FAM161A: variants seen among roughly 807,000 people sequenced by gnomAD.
FAM161A encodes protein FAM161A.
FAM161A carries 57 observed loss-of-function variants against 70.9 expected under a neutral mutation model. The observed-to-expected ratio is 0.80, with a 90% CI of 0.65 to 1.00. FAM161A has a LOEUF of 1.00. FAM161A is among the 50% of genes least tolerant of loss of function. The pLI is 0.00. For synonymous variants in FAM161A, 299 were observed against 295.7 expected (o/e 1.01, Z -0.12); for missense variants, 880 against 836.0 (o/e 1.05, Z -0.65).
chr2:61,803,298 C>G, the FAM161A span: 39 of 635,446 alleles, frequency 6.1e-5, no homozygotes, highest in South Asian at 5.2e-4. Flanking sequence ...TTTATGATTC[C>G]TTGGATTATG....
chr2:61,804,858 G>T, the FAM161A span, among the ~76,000 whole-genome samples: 1 of 149,592 alleles, frequency 6.7e-6, no homozygotes, highest in South Asian at 2.2e-4. Flanking sequence ...AGAAGGGAGG[G>T]AGGGAGGGAG....
At chr2:61,821,889 C>A (rs1037926318), downstream of FAM161A, among the ~76,000 whole-genome samples, 3 of 152,020 alleles carry the variant, frequency 2.0e-5, no homozygotes, top group Admixed American at 6.5e-5. Flanking sequence ...CCTGCCTCAG[C>A]CTCCTGGGTA....
Position 61,826,300 on chromosome 2 carries a change from C to T in FAM161A, c.*155G>A. 1 of 788,138 alleles carries T rather than the reference C, an allele frequency of 1.3e-6. No homozygotes were observed. The highest frequency in any genetic ancestry group is 2.2e-6 in the Non-Finnish European group (1 of 455,232). The allele number at this position is 788,138 out of a possible 1,614,324, so 48.8% of individuals were successfully genotyped here. A position where few individuals can be genotyped will look rare whatever the true frequency, so the allele number is the denominator to read the frequency against. On this transcript the variant is annotated 3_prime_UTR_variant, in exon 7 of 7. Coordinates refer to ENST00000404929, the MANE Select transcript of FAM161A (RefSeq NM_001201543.2). Reference sequence around the variant, plus strand: ...TACTCTAACTGATCAAATGACCAATCAGCTGGATTCAGGCTTTTCAGGCTA... The same window carrying T: ...TACTCTAACTGATCAAATGACCAATTAGCTGGATTCAGGCTTTTCAGGCTA...
At chr2:61,801,457 A>G in the FAM161A span, among the ~76,000 whole-genome samples, 1 of 151,436 alleles carries the variant, frequency 6.6e-6, no homozygotes, top group South Asian at 2.1e-4. Context: ...AAATCATGCC[A>G]CTGTAGTCCA....
At chr2:61,811,970 G>A in the FAM161A span, among the ~76,000 whole-genome samples, 1 of 152,108 alleles carries the variant, frequency 6.6e-6, no homozygotes, top group South Asian at 2.1e-4. Flanking sequence ...ACGTCTCACT[G>A]CTCTGGCCTC....
the FAM161A span, among the ~76,000 whole-genome samples, chr2:61,809,268 C>G: frequency 2.6e-5 from 4 of 152,210 alleles, no homozygotes; most frequent in Non-Finnish European, 4.4e-5. Flanking sequence ...GCTGGCCCCT[C>G]TTGCTCTCCC....
the FAM161A span, among the ~76,000 whole-genome samples, chr2:61,808,447 T>C: frequency 1.3e-5 from 2 of 152,002 alleles, no homozygotes; most frequent in Non-Finnish European, 2.9e-5. Context: ...TAATTCTTTG[T>C]ATTTTTAGTA....
chr2:61,824,880 G>A lies in FAM161A; in HGVS notation c.*1575C>T, dbSNP rs569433670. Reference sequence around the variant, plus strand: ...ACACACTCATTCAAACCTTTATTAAGTACCTACCATATGTACAATACTGTT... The same window carrying A: ...ACACACTCATTCAAACCTTTATTAAATACCTACCATATGTACAATACTGTT... On this transcript the variant is annotated 3_prime_UTR_variant, in exon 7 of 7. Coordinates refer to ENST00000404929, the MANE Select transcript of FAM161A (RefSeq NM_001201543.2). 3 of 428,016 alleles carry A rather than the reference G, an allele frequency of 7.0e-6. No individual in the cohort carries two copies. The East Asian group carries it at 2.1e-4, about 30-fold the overall frequency. 26.5% of individuals were successfully genotyped at this position (428,016 alleles called of 1,614,324 possible). A position where few individuals can be genotyped will look rare whatever the true frequency, so the allele number is the denominator to read the frequency against.
chr2:61,833,736 AAGAC>A (rs10611159), intron 5 of FAM161A, among the ~76,000 whole-genome samples: 55,531 of 151,818 alleles, frequency 0.37, 10,796 homozygotes, highest in East Asian at 0.68. Flanking sequence ...CTATAACAAA[AAGAC>A]AGACAAAAGC....
chr2:61,831,646 C>G (rs1296338533), intron 5 of FAM161A, among the ~76,000 whole-genome samples: 1 of 152,168 alleles, frequency 6.6e-6, no homozygotes, highest in Non-Finnish European at 1.5e-5. Flanking sequence ...GGTTCCCCTT[C>G]TTCTGGTTGT....
At chr2:61,845,184 T>C (rs1405608947) in intron 1 of FAM161A, among the ~76,000 whole-genome samples, 2 of 152,028 alleles carry the variant, frequency 1.3e-5, no homozygotes, top group Non-Finnish European at 2.9e-5. Flanking sequence ...AATGGAGATG[T>C]TGGAGAACAC....
chr2:61,802,751 T>C, the FAM161A span, among the ~76,000 whole-genome samples: 2 of 152,332 alleles, frequency 1.3e-5, no homozygotes, highest in East Asian at 3.9e-4. Context: ...GTCATCCTCC[T>C]ATGCACCAGG....
At chr2:61,806,680 C>CTTTTTTTTTTTTTTTTTTTTTT in the FAM161A span, among the ~76,000 whole-genome samples, 9 of 61,568 alleles carry the variant, frequency 1.5e-4, 1 homozygote, top group Non-Finnish European at 2.1e-4. Flanking sequence ...CTTTCCACGT[C>CTTTTTTTTTTTTTTTTTTTTTT]TTTTTTTTTT....
chr2:61,819,327 G>C, the FAM161A span, among the ~76,000 whole-genome samples: 1 of 152,134 alleles, frequency 6.6e-6, no homozygotes, highest in Non-Finnish European at 1.5e-5. Context: ...CGGGCATGGT[G>C]GTGGCGCATG....
intron 2 of FAM161A, among the ~76,000 whole-genome samples, chr2:61,841,251 C>A (rs893190566): frequency 2.0e-5 from 3 of 152,168 alleles, no homozygotes; most frequent in Admixed American, 2.0e-4. Flanking sequence ...AGATTACAAG[C>A]CCTTCGAGAC....
chr2:61,813,067 GA>G, the FAM161A span, among the ~76,000 whole-genome samples: 13 of 146,128 alleles, frequency 8.9e-5, no homozygotes, highest in South Asian at 4.3e-4. Context: ...CGTCTCAAAA[GA>G]AAAAAAAAAT....
chr2:61,845,107 T>C (rs1364701657), intron 1 of FAM161A, among the ~76,000 whole-genome samples: 1 of 152,134 alleles, frequency 6.6e-6, no homozygotes, highest in African/African-American at 2.4e-5. Flanking sequence ...AAGTAGCAGG[T>C]GCAGCCTTGG....
chr2:61,849,799 A>G (rs937395967), intron 1 of FAM161A, among the ~76,000 whole-genome samples: 51 of 151,750 alleles, frequency 3.4e-4, no homozygotes, highest in African/African-American at 1.0e-3. Flanking sequence ...AAAAAAAAAA[A>G]AGAGAATGAA....
In FAM161A at chr2:61,827,094, T is replaced by C. The variant is rs754733340; in HGVS notation, c.2006+10A>G. On this transcript the variant is annotated intron_variant, in intron 6 of 6. Coordinates refer to ENST00000404929, the MANE Select transcript of FAM161A (RefSeq NM_001201543.2). ...AAAGGTAAGCCATTCAGACATCTTA[T>C]ATATGTTACCTTTCTTTGTCTTCAG... is the stretch of plus-strand genomic sequence containing the variant. 2 of 1,613,014 alleles carry C rather than the reference T, an allele frequency of 1.2e-6. No individual in the cohort carries two copies. Among genetic ancestry groups the C allele is most frequent in the East Asian group, 2.2e-5 (1 of 44,824 alleles).
Sources: gnomAD v4.1 joint callset for allele counts (sites outside exome capture counted in the v4.1 genomes callset) on GRCh38, gnomAD v4.1.1 for gene constraint, MANE v1.5 for transcripts, NCBI Gene and HGNC (gene_info 2026-07-23, HGNC 2026-07-21) for gene names.